Variants in RIMS1 observed in about 807,000 individuals in gnomAD.
RIMS1 encodes regulating synaptic membrane exocytosis 1.
In RIMS1, 83 loss-of-function variants were observed where a neutral mutation model predicts 214.1. That is an observed-to-expected ratio of 0.39 (90% CI 0.32 to 0.47). RIMS1 has a LOEUF of 0.47. Ranked by LOEUF, RIMS1 falls within the 20% of genes least tolerant of loss-of-function variation. RIMS1 has a pLI of 0.99. For synonymous variants in RIMS1, 793 were observed against 786.8 expected, an observed-to-expected ratio of 1.01 and a Z score of -0.13; for missense variants, 2,050 against 2,161.8, an observed-to-expected ratio of 0.95 and a Z score of 1.03.
chr6:72,248,821 A>G (rs1308804554), intron 12 of RIMS1, among the ~76,000 whole-genome samples: 2 of 152,160 alleles, frequency 1.3e-5, no homozygotes, highest in Non-Finnish European at 2.9e-5. Flanking sequence ...TCTTGATTTT[A>G]ATGAGACAGA....
intron 9 of RIMS1, among the ~76,000 whole-genome samples, chr6:72,241,199 G>T (rs567103069): frequency 5.3e-5 from 8 of 152,120 alleles, no homozygotes; most frequent in Non-Finnish European, 1.2e-4. Flanking sequence ...ACATTGAAAA[G>T]ATTTTATGCT....
chr6:72,156,865 T>C (rs1723112773), intron 4 of RIMS1, among the ~76,000 whole-genome samples: 2 of 141,142 alleles, frequency 1.4e-5, no homozygotes, highest in African/African-American at 4.9e-5. Flanking sequence ...AACATTTTAT[T>C]AATTGACATT....
chr6:72,124,064 G>T (rs1204124158), intron 4 of RIMS1, among the ~76,000 whole-genome samples: 4 of 151,776 alleles, frequency 2.6e-5, no homozygotes, highest in Non-Finnish European at 5.9e-5. Context: ...TTTCTTCCTA[G>T]CATCAATGGT....
intron 2 of RIMS1, among the ~76,000 whole-genome samples, chr6:71,983,622 T>C (rs1390593239): frequency 6.6e-6 from 1 of 152,208 alleles, no homozygotes; most frequent in South Asian, 2.1e-4. Flanking sequence ...TGTTGCAGAA[T>C]ACACAACAAG....
intron 31 of RIMS1, among the ~76,000 whole-genome samples, chr6:72,397,248 A>T (rs909495160): frequency 2.0e-5 from 3 of 152,198 alleles, no homozygotes; most frequent in Non-Finnish European, 2.9e-5. Context: ...CATGAAAATT[A>T]TGAAACAAAT....
chr6:72,061,317 G>A (rs1021737715), intron 2 of RIMS1, among the ~76,000 whole-genome samples: 5 of 152,166 alleles, frequency 3.3e-5, no homozygotes, highest in Non-Finnish European at 7.4e-5. Flanking sequence ...AGGTTAACAG[G>A]ATTAAATGTG....
intron 29 of RIMS1, among the ~76,000 whole-genome samples, chr6:72,337,648 G>C (rs2096888693): frequency 6.6e-6 from 1 of 150,814 alleles, no homozygotes; most frequent in Non-Finnish European, 1.5e-5. Context: ...GTGCAGGTTT[G>C]TTACATATGT....
intron 29 of RIMS1, among the ~76,000 whole-genome samples, chr6:72,374,453 A>T (rs1425415855): frequency 6.6e-6 from 1 of 152,200 alleles, no homozygotes; most frequent in Non-Finnish European, 1.5e-5. Flanking sequence ...TCATGGAATG[A>T]TTCTTCATTG....
At chr6:72,123,248 G>T (rs1029997595) in intron 4 of RIMS1, among the ~76,000 whole-genome samples, 6 of 151,810 alleles carry the variant, frequency 4.0e-5, no homozygotes, top group African/African-American at 1.4e-4. Context: ...TCATTCAGGA[G>T]CAGGTTGTTC....
chr6:72,094,362 G>A (rs534770379), intron 2 of RIMS1, among the ~76,000 whole-genome samples: 4 of 152,202 alleles, frequency 2.6e-5, no homozygotes, highest in African/African-American at 7.2e-5. Context: ...AATAGAGTAA[G>A]GTTTTATCTC....
intron 2 of RIMS1, among the ~76,000 whole-genome samples, chr6:71,992,003 GCAGTGAGCTGAGATCACGC>G (rs1371854937): frequency 6.6e-6 from 1 of 152,074 alleles, no homozygotes; most frequent in South Asian, 2.1e-4. Context: ...GGCAAAGGTT[GCAGTGAGCTGAGATCACGC>G]CACTGCACTC....
chr6:72,352,983 C>CTTTTT (rs70994123), intron 29 of RIMS1, among the ~76,000 whole-genome samples: 84 of 88,268 alleles, frequency 9.5e-4, no homozygotes, highest in Middle Eastern at 8.6e-3. Context: ...ATTCTTTTTT[C>CTTTTT]TTTTTTTTTT....
intron 2 of RIMS1, among the ~76,000 whole-genome samples, chr6:72,079,502 C>G (rs1164458050): frequency 1.3e-5 from 2 of 152,144 alleles, no homozygotes; most frequent in African/African-American, 4.8e-5. Flanking sequence ...TCTTTGATGT[C>G]ACTCAGGCTC....
At chr6:72,325,757 TC>T (rs903006199) in intron 28 of RIMS1, among the ~76,000 whole-genome samples, 3 of 151,844 alleles carry the variant, frequency 2.0e-5, no homozygotes, top group African/African-American at 7.2e-5. Context: ...ATTACAGAGA[TC>T]ATTACTTCTT....
chr6:72,117,869 T>A (rs2037393096), intron 4 of RIMS1, among the ~76,000 whole-genome samples: 1 of 151,730 alleles, frequency 6.6e-6, no homozygotes, highest in African/African-American at 2.4e-5. Flanking sequence ...CTCAAGGAAC[T>A]AGAGAAACAA....
intron 23 of RIMS1, among the ~76,000 whole-genome samples, chr6:72,279,730 T>C (rs1003334759): frequency 6.6e-6 from 1 of 152,046 alleles, no homozygotes; most frequent in East Asian, 1.9e-4. Flanking sequence ...AGCAGAGAAC[T>C]TAAGCACATA....
In RIMS1 at chr6:72,182,386, C is replaced by G. The variant is rs1159719316; in HGVS notation, c.915C>G (p.Val305=). Residue 305 remains valine (V), a synonymous_variant, in exon 6 of 34, where the codon GTC becomes GTG. Transcript: ENST00000521978. The part of the protein sequence containing the change: ...KTSAQPVEGA[V]EERERKERRE... ...CAGCGCAGCCCGTGGAGGGGGCCGT[C>G]GAAGAACGGGAGCGCAAAGAAAGGC... The G allele has an allele frequency of 3.1e-6, 5 of 1,613,620 alleles. No homozygotes were observed. The highest frequency in any genetic ancestry group is 4.2e-6 in the Non-Finnish European group (5 of 1,179,870).
chr6:72,007,835 A>G (rs1308518022), intron 2 of RIMS1, among the ~76,000 whole-genome samples: 1 of 152,194 alleles, frequency 6.6e-6, no homozygotes, highest in Non-Finnish European at 1.5e-5. Context: ...AAAAGACCAA[A>G]TCTATGTCTG....
chr6:72,077,131 G>C (rs1832109602), intron 2 of RIMS1, among the ~76,000 whole-genome samples: 1 of 152,216 alleles, frequency 6.6e-6, no homozygotes, highest in African/African-American at 2.4e-5. Flanking sequence ...CACATGAGTG[G>C]AAGGCGTGTT....
Sources: allele counts gnomAD v4.1 joint callset (sites outside exome capture counted in the v4.1 genomes callset), GRCh38; gene constraint gnomAD v4.1.1; transcripts MANE v1.5; gene names NCBI Gene and HGNC (gene_info 2026-07-23, HGNC 2026-07-21).